GPC1: variants seen among roughly 807,000 people sequenced by gnomAD.
The protein encoded by GPC1 is glypican 1, also known as glypican-1.
GPC1 carries 26 observed loss-of-function variants against 51.5 expected under a neutral mutation model. The ratio of observed to expected loss-of-function variants is 0.50; its 90% CI spans 0.37 to 0.70. GPC1 has a LOEUF of 0.70. Among genes scored for constraint, GPC1 ranks in the 30% least tolerant of loss-of-function variants. GPC1 has a pLI of 0.00. For synonymous variants in GPC1, 380 were observed against 348.3 expected, an observed-to-expected ratio of 1.09 and a Z score of -1.01; for missense variants, 775 against 800.5, an observed-to-expected ratio of 0.97 and a Z score of 0.38.
In GPC1 at chr2:240,445,768, T is replaced by C. The variant is rs566182110; in HGVS notation, c.166+9684T>C. Among the ~76,000 whole-genome samples, 13 of 152,338 alleles carry C rather than the reference T, an allele frequency of 8.5e-5. No homozygotes were observed. The East Asian group carries it at 2.5e-3, about 29-fold the overall frequency. ...CGATGGTGTTCCGGGACCTGGGGCT[T>C]GGTCACCAGTAGACGTCGCCGCTGT... On this transcript the variant is annotated intron_variant, in intron 1 of 8. Coordinates refer to ENST00000264039, the MANE Select transcript of GPC1 (RefSeq NM_002081.3).
chr2:240,453,069 C>T (rs1290338133), intron 1 of GPC1: 4 of 322,698 alleles, frequency 1.2e-5, no homozygotes, highest in South Asian at 4.4e-5. Flanking sequence ...GAGGACCTCT[C>T]CCGCAGCGCC....
At position 240,457,478 on chromosome 2, in the gene GPC1, C is replaced by G. The variant is rs140130977; in HGVS notation, c.167-1552C>G. 1,607 of 470,336 alleles carry G rather than the reference C, an allele frequency of 3.4e-3. 20 individuals carry two copies. The highest frequency in any genetic ancestry group is 0.028 in the African/African-American group (1,412 of 50,196). 29.1% of individuals were successfully genotyped at this position (470,336 alleles called of 1,614,324 possible). On this transcript the variant is annotated intron_variant, in intron 1 of 8. Transcript: ENST00000264039. ...AGGCATTCAACCTCTGGGTAGTTAC[C>G]TAGTCCTGGGTCCCCACCCCAGATG...
intron 1 of GPC1, chr2:240,450,959 G>C (rs1381487110): frequency 5.0e-6 from 2 of 402,946 alleles, no homozygotes; most frequent in Non-Finnish European, 5.2e-6. Context: ...GAGATGGAGG[G>C]AAGTGGCAGG....
At chr2:240,464,826 C>T in intron 5 of GPC1, 30 bp from the exon 6 acceptor site, 1 of 1,562,874 alleles carries the variant, frequency 6.4e-7, no homozygotes, top group Non-Finnish European at 8.7e-7. Context: ...GGCCCCACTA[C>T]CCCCCAAGGA....
At position 240,462,320 on chromosome 2, in the gene GPC1, A is replaced by C. The variant is rs765171565; in HGVS notation, c.455A>C (p.Tyr152Ser). Residue 152 changes from tyrosine (Y) to serine (S), a missense_variant, in exon 3 of 9, where the codon TAC becomes TCC. Coordinates refer to ENST00000264039, the MANE Select transcript of GPC1 (RefSeq NM_002081.3). ...RDLYSELRLY[Y>S]RGANLHLEET... ...CTGTACTCAGAGCTGCGCCTGTACT[A>C]CCGCGGTGCCAACCTGCACCTGGAG... 5.0e-6 allele frequency: 8 copies of C among 1,606,288 alleles called. No homozygotes were observed. The South Asian group carries it at 8.9e-5, about 18-fold the overall frequency.
intron 2 of GPC1, among the ~76,000 whole-genome samples, chr2:240,460,404 C>T (rs2074206328): frequency 6.7e-6 from 1 of 150,148 alleles, no homozygotes; most frequent in Admixed American, 6.6e-5. Context: ...ACCCGGCTCA[C>T]CTCCTCCACT....
At chr2:240,445,802 C>T (rs1367888489) in intron 1 of GPC1, among the ~76,000 whole-genome samples, 1 of 152,214 alleles carries the variant, frequency 6.6e-6, no homozygotes, top group Non-Finnish European at 1.5e-5. Flanking sequence ...GTTTATGCCC[C>T]TCCACGTTCG....
At chr2:240,455,510 G>C (rs948635979) in intron 1 of GPC1, among the ~76,000 whole-genome samples, 2 of 152,202 alleles carry the variant, frequency 1.3e-5, no homozygotes, top group African/African-American at 4.8e-5. Context: ...CCCTAGGTTG[G>C]AAAATGCCTC....
chr2:240,464,362 A>G (rs890099336), intron 4 of GPC1: 1 of 503,502 alleles, frequency 2.0e-6, no homozygotes, highest in African/African-American at 1.9e-5. Flanking sequence ...GCAAGCATGC[A>G]GAATGGCCTC....
chr2:240,463,301 CACCCCCAG>C lies in GPC1; in HGVS notation c.718-45_718-38del, dbSNP rs746105850. ...TCGTTAGGGGCTGGCCGGGGCCAGGCACCCCCAGGGCCTCGGGGCCTGGCTTAGGGTCC... is the reference window on the plus strand; with the variant it reads ...TCGTTAGGGGCTGGCCGGGGCCAGGCGGCCTCGGGGCCTGGCTTAGGGTCC... On this transcript the variant is annotated intron_variant, in intron 3 of 8. Transcript: ENST00000264039. 2.5e-6 allele frequency: 4 copies of C among 1,572,626 alleles called. No homozygotes were observed. In the East Asian group the frequency reaches 9.0e-5, roughly 35 times the overall value.
At chr2:240,441,997 G>A (rs925144806) in intron 1 of GPC1, among the ~76,000 whole-genome samples, 1 of 152,162 alleles carries the variant, frequency 6.6e-6, no homozygotes, top group South Asian at 2.1e-4. Context: ...TCTGGAATCC[G>A]GGTGGGTTTA....
chr2:240,451,509 G>A (rs1383174323), intron 1 of GPC1: 2 of 330,308 alleles, frequency 6.1e-6, no homozygotes, highest in Non-Finnish European at 1.2e-5. Flanking sequence ...GTTGGGCATA[G>A]AGATGTGAGT....
chr2:240,436,090 T>A lies in GPC1; in HGVS notation c.166+6T>A. On this transcript the variant is annotated splice_donor_region_variant and intron_variant, in intron 1 of 8. Coordinates refer to ENST00000264039, the MANE Select transcript of GPC1 (RefSeq NM_002081.3). ...GCCCCAGGCGGAGATCTCGGGTGAG[T>A]GAGGGCGCGGCGCCGGGAACCCGGG... The A allele has an allele frequency of 7.8e-7, 1 of 1,282,652 alleles. No homozygotes were observed. Among genetic ancestry groups the A allele is most frequent in the Non-Finnish European group, 9.9e-7 (1 of 1,014,402 alleles). The allele number at this position is 1,282,652 out of a possible 1,614,324, so 79.5% of individuals were successfully genotyped here.
chr2:240,451,394 C>A, intron 1 of GPC1: 1 of 399,306 alleles, frequency 2.5e-6, no homozygotes, highest in South Asian at 1.9e-5. Context: ...TGCCTGTGGC[C>A]CCTGCAGTGG....
At chr2:240,457,963 C>T (rs1444111760) in intron 1 of GPC1, 1 of 454,872 alleles carries the variant, frequency 2.2e-6, no homozygotes, top group Non-Finnish European at 4.7e-6. Context: ...TCCACCTCTC[C>T]ACTGTGCCTG....
rs1017898614 is a variant in GPC1 at position 240,462,179 on chromosome 2, C to T, written c.326-12C>T. On this transcript the variant is annotated splice_polypyrimidine_tract_variant and intron_variant, in intron 2 of 8. Coordinates refer to ENST00000264039, the MANE Select transcript of GPC1 (RefSeq NM_002081.3). ...AAACATGGTCCCGATCACGCCCCCT[C>T]CCTGTGCGCAGACCACTTCCAGCAC... is the stretch of plus-strand genomic sequence containing the variant. The T allele has an allele frequency of 6.4e-7, 1 of 1,570,152 alleles. No individual in the cohort carries two copies. Among genetic ancestry groups the T allele is most frequent in the African/African-American group, 1.3e-5 (1 of 74,270 alleles).
Position 240,464,594 on chromosome 2 carries a change from C to T in GPC1, c.884-22C>T, listed in dbSNP as rs528665799. 1.1e-4 allele frequency: 171 copies of T among 1,597,188 alleles called. 1 individual carries two copies. Among genetic ancestry groups the T allele is most frequent in the South Asian group, 3.1e-4 (28 of 90,410 alleles). On this transcript the variant is annotated intron_variant, in intron 4 of 8. Transcript: ENST00000264039. The stretch of plus-strand genomic sequence containing the variant: ...GTGCGCGCGTTAACGCCTGTGTGTC[C>T]GCGTGTTAACGCCTGTCCTAGACTC...
At chr2:240,441,166 G>A (rs929317183) in intron 1 of GPC1, among the ~76,000 whole-genome samples, 9 of 152,268 alleles carry the variant, frequency 5.9e-5, no homozygotes, top group South Asian at 2.1e-4. Context: ...ACAGCAGGAC[G>A]GGGGGCATAC....
chr2:240,466,432 G>A lies in GPC1; in HGVS notation c.*142G>A. On this transcript the variant is annotated 3_prime_UTR_variant, in exon 9 of 9. Coordinates refer to ENST00000264039, the MANE Select transcript of GPC1 (RefSeq NM_002081.3). ...GGCTCTGAGCAGGGGCAGGCGCAGA[G>A]GTCCCAGCCCCAGGCCTGGCCTCGC... 1 of 599,494 alleles carries A rather than the reference G, an allele frequency of 1.7e-6. No homozygotes were observed. Among genetic ancestry groups the A allele is most frequent in the Non-Finnish European group, 3.0e-6 (1 of 334,028 alleles). 37.1% of individuals were successfully genotyped at this position (599,494 alleles called of 1,614,324 possible). A position where few individuals can be genotyped will look rare whatever the true frequency, so the allele number is the denominator to read the frequency against.
Sources: gnomAD v4.1 joint callset for allele counts (sites outside exome capture counted in the v4.1 genomes callset) on GRCh38, gnomAD v4.1.1 for gene constraint, MANE v1.5 for transcripts, NCBI Gene and HGNC (gene_info 2026-07-23, HGNC 2026-07-21) for gene names.